Variants in ERCC8 observed in about 807,000 individuals in gnomAD.
The protein encoded by ERCC8 is ERCC excision repair 8, CSA ubiquitin ligase complex subunit, also known as DNA excision repair protein ERCC-8.
A neutral mutation model predicts 54.9 loss-of-function variants in ERCC8; 52 were observed. The observed-to-expected ratio is 0.95, with a 90% CI of 0.76 to 1.19. The LOEUF (loss-of-function observed/expected upper bound fraction) is 1.19, where lower values mean the gene tolerates loss of function less well. Among genes scored for constraint, ERCC8 ranks in the 50% most tolerant of loss-of-function variants. The pLI is 0.00. For synonymous variants in ERCC8, 146 were observed against 157.2 expected (o/e 0.93, Z 0.53); for missense variants, 514 against 466.1 (o/e 1.10, Z -0.95).
At chr5:60,880,339 G>A (rs1748169782) in intron 11 of ERCC8, among the ~76,000 whole-genome samples, 2 of 152,130 alleles carry the variant, frequency 1.3e-5, no homozygotes, top group Non-Finnish European at 2.9e-5. Flanking sequence ...TGACAATTAT[G>A]TGTCTTGGAG....
At chr5:60,904,254 C>A (rs933829420) in intron 5 of ERCC8, among the ~76,000 whole-genome samples, 1 of 152,128 alleles carries the variant, frequency 6.6e-6, no homozygotes, top group African/African-American at 2.4e-5. Flanking sequence ...CTCTTCTTCA[C>A]AGATAAAAGA....
intron 11 of ERCC8, among the ~76,000 whole-genome samples, chr5:60,880,021 G>A (rs867591827): frequency 1.7e-4 from 26 of 152,272 alleles, no homozygotes; most frequent in African/African-American, 5.8e-4. Flanking sequence ...TCCTTTCCAT[G>A]TTTAGTGCTT....
At chr5:60,893,689 A>C in intron 9 of ERCC8, 1 of 450,106 alleles carries the variant, frequency 2.2e-6, no homozygotes, top group Non-Finnish European at 4.0e-6. Context: ...TAGGCTCCGG[A>C]CTTCTGGCTT....
intron 8 of ERCC8, among the ~76,000 whole-genome samples, chr5:60,899,000 T>C (rs1377299450): frequency 1.4e-5 from 2 of 145,632 alleles, no homozygotes; most frequent in Non-Finnish European, 3.0e-5. Context: ...GAATGAACTA[T>C]ATAAAACCTA....
At chr5:60,940,229 C>T (rs1750217817) in intron 1 of ERCC8, among the ~76,000 whole-genome samples, 1 of 152,192 alleles carries the variant, frequency 6.6e-6, no homozygotes, top group African/African-American at 2.4e-5. Flanking sequence ...GCAGAGACAG[C>T]TACTTGAGGA....
intron 11 of ERCC8, among the ~76,000 whole-genome samples, chr5:60,877,185 G>C (rs1437866805): frequency 6.6e-6 from 1 of 152,160 alleles, no homozygotes; most frequent in Non-Finnish European, 1.5e-5. Context: ...AGATCAGATG[G>C]TTGTAGATAT....
At chr5:60,905,925 C>A (rs1205594625) in intron 4 of ERCC8, among the ~76,000 whole-genome samples, 1 of 151,780 alleles carries the variant, frequency 6.6e-6, no homozygotes, top group East Asian at 1.9e-4. Context: ...GTTGGGGGTG[C>A]AATCATAAGG....
intron 1 of ERCC8, chr5:60,932,179 G>C (rs1476975627): frequency 6.6e-6 from 1 of 152,294 alleles, no homozygotes; most frequent in Non-Finnish European, 1.5e-5. Flanking sequence ...GAAGGGAAAA[G>C]GGCAATAATA....
chr5:60,889,136 GA>G (rs1219118806), intron 10 of ERCC8, among the ~76,000 whole-genome samples: 1 of 152,212 alleles, frequency 6.6e-6, no homozygotes, highest in Non-Finnish European at 1.5e-5. Context: ...GAATATCACA[GA>G]AGTGATGTCC....
chr5:60,918,845 C>T (rs948144652), intron 3 of ERCC8, among the ~76,000 whole-genome samples: 1 of 152,040 alleles, frequency 6.6e-6, no homozygotes, highest in Non-Finnish European at 1.5e-5. Context: ...TATCAAGGAA[C>T]TTATTCTATG....
chr5:60,939,430 A>G (rs1180266322), intron 1 of ERCC8, among the ~76,000 whole-genome samples: 1 of 152,024 alleles, frequency 6.6e-6, no homozygotes, highest in Non-Finnish European at 1.5e-5. Flanking sequence ...GCACAAAGAT[A>G]TTTCTTCTGA....
rs1747900099 is a variant in ERCC8 at position 60,873,195 on chromosome 5, C to A, written c.*1420G>T. Among the ~76,000 whole-genome samples the A allele has an allele frequency of 6.6e-6, 1 of 152,074 alleles. No individual in the cohort carries two copies. The highest frequency in any genetic ancestry group is 2.1e-4 in the South Asian group (1 of 4,818). ...ACCACAAAATGGTAACCATGTGAGG[C>A]ATATGTCAGTTAGCTAGATTTAGTC... On this transcript the variant is annotated 3_prime_UTR_variant, in exon 12 of 12. Coordinates refer to ENST00000676185, the MANE Select transcript of ERCC8 (RefSeq NM_000082.4).
At chr5:60,917,104 C>CT (rs1389794289) in intron 4 of ERCC8, among the ~76,000 whole-genome samples, 3 of 151,978 alleles carry the variant, frequency 2.0e-5, no homozygotes, top group African/African-American at 4.8e-5. Flanking sequence ...ACCATCTAGT[C>CT]TGACACTTTA....
chr5:60,945,036 T>G lies in ERCC8; in HGVS notation c.-28A>C, dbSNP rs561820700. The stretch of plus-strand genomic sequence containing the variant: ...CGTGTCCTCACACCGGCTGGAGCAC[T>G]GGACGTCGCCATGACAGAGCTCAGG... On this transcript the variant is annotated 5_prime_UTR_variant, in exon 1 of 12. Transcript: ENST00000676185. 1.3e-6 allele frequency: 2 copies of G among 1,598,862 alleles called. No individual in the cohort carries two copies. Among genetic ancestry groups the G allele is most frequent in the Admixed American group, 1.7e-5 (1 of 60,002 alleles).
chr5:60,893,713 T>G (rs1217775310), intron 9 of ERCC8: 1 of 434,606 alleles, frequency 2.3e-6, no homozygotes. Context: ...GATGCCAGCC[T>G]GGCGGCGCCC....
intron 4 of ERCC8, among the ~76,000 whole-genome samples, chr5:60,914,152 C>A (rs1166983879): frequency 6.6e-6 from 1 of 152,014 alleles, no homozygotes; most frequent in East Asian, 1.9e-4. Context: ...TCCTTGTTAA[C>A]CTTCAGTCTC....
intron 2 of ERCC8, among the ~76,000 whole-genome samples, chr5:60,922,553 C>T (rs983269926): frequency 6.6e-6 from 1 of 152,010 alleles, no homozygotes; most frequent in African/African-American, 2.4e-5. Context: ...TGGCTCTGGG[C>T]AAGTTATACC....
At chr5:60,944,869 A>G (rs910463414) in intron 1 of ERCC8, 63 bp downstream of exon 1, 3 of 1,201,996 alleles carry the variant, frequency 2.5e-6, no homozygotes, top group South Asian at 2.4e-5. Flanking sequence ...TGTGGGGCAA[A>G]GCTTACAGTC....
chr5:60,905,881 G>A (rs1749055636), intron 4 of ERCC8, among the ~76,000 whole-genome samples: 1 of 152,118 alleles, frequency 6.6e-6, no homozygotes, highest in Admixed American at 6.5e-5. Flanking sequence ...GGGTGGGAGT[G>A]GTTAGATGAT....
Sources: allele counts gnomAD v4.1 joint callset (sites outside exome capture counted in the v4.1 genomes callset), GRCh38; gene constraint gnomAD v4.1.1; transcripts MANE v1.5; gene names NCBI Gene and HGNC (gene_info 2026-07-23, HGNC 2026-07-21).